Variants in ARF1 observed in about 807,000 individuals in gnomAD.
The protein encoded by ARF1 is ADP-ribosylation factor 1.
ARF1 carries 1 observed loss-of-function variant against 18.0 expected under a neutral mutation model. That is an observed-to-expected ratio of 0.06 (90% CI 0.02 to 0.26). ARF1 has a LOEUF of 0.26. ARF1 is among the 10% of genes least tolerant of loss of function. ARF1 has a pLI of 1.00. For missense variants in ARF1, 73 were observed against 247.2 expected (o/e 0.30, Z 4.73); for synonymous variants, 112 against 96.3 (o/e 1.16, Z -0.95).
Position 228,097,932 on chromosome 1 carries a change from T to C in ARF1, c.465T>C (p.Ile155=). Residue 155 remains isoleucine, a synonymous_variant, in exon 5 of 5, where the codon ATT becomes ATC. Transcript: ENST00000272102. The surrounding 1 kb of genome is among the most constrained non-coding windows in gnomAD (Gnocchi z 8.1). The part of the protein sequence containing the change: ...LHSLRHRNWY[I]QATCATSGDG... Reference sequence around the variant, plus strand: ...CACTACGCCACAGGAACTGGTACATTCAGGCCACCTGCGCCACCAGCGGCG... The same window carrying C: ...CACTACGCCACAGGAACTGGTACATCCAGGCCACCTGCGCCACCAGCGGCG... 1.9e-6 allele frequency: 3 copies of C among 1,614,102 alleles called. No individual in the cohort carries two copies. The South Asian group carries it at 3.3e-5, about 18-fold the overall frequency.
At chr1:228,083,719 A>T (rs2032297785) in intron 1 of ARF1, among the ~76,000 whole-genome samples, 1 of 152,250 alleles carries the variant, frequency 6.6e-6, no homozygotes, top group African/African-American at 2.4e-5. Flanking sequence ...GCTCTCTCGG[A>T]GCACAGCCTG....
intron 1 of ARF1, among the ~76,000 whole-genome samples, chr1:228,095,648 C>T (rs751628553): frequency 1.3e-5 from 2 of 152,224 alleles, no homozygotes; most frequent in Non-Finnish European, 2.9e-5. Context: ...TAGGCAGTCC[C>T]AGCTTCATCC....
intron 1 of ARF1, among the ~76,000 whole-genome samples, chr1:228,086,242 G>A (rs1175440429): frequency 2.0e-5 from 3 of 152,206 alleles, no homozygotes; most frequent in Admixed American, 6.5e-5. Context: ...GAGGCTGGGC[G>A]TAGTGCCTCA....
intron 1 of ARF1, among the ~76,000 whole-genome samples, chr1:228,084,434 T>TG (rs2032330821): frequency 6.6e-6 from 1 of 152,382 alleles, no homozygotes; most frequent in Non-Finnish European, 1.5e-5. Context: ...AATATGCTGT[T>TG]GCCTGTGAGG....
At chr1:228,085,351 C>T (rs769038683) in intron 1 of ARF1, among the ~76,000 whole-genome samples, 2 of 152,218 alleles carry the variant, frequency 1.3e-5, no homozygotes, top group African/African-American at 4.8e-5. Flanking sequence ...GCGCAGCTGC[C>T]GCACCGTCCA....
In ARF1 at chr1:228,098,635, A is replaced by G. The variant is rs1354497120; in HGVS notation, c.*622A>G. ...CTCGCTTGTCCTTGGGTCACCCTGC[A>G]TTCCATAGCCATGTGCTTGTCCCTG... On this transcript the variant is annotated 3_prime_UTR_variant, in exon 5 of 5. Coordinates refer to ENST00000272102, the MANE Select transcript of ARF1 (RefSeq NM_001658.4). 6.6e-6 allele frequency: 1 copy of G among 152,638 alleles called. No individual in the cohort carries two copies. Among genetic ancestry groups the G allele is most frequent in the Non-Finnish European group, 1.5e-5 (1 of 68,074 alleles). The allele number at this position is 152,638 out of a possible 1,614,324, so 9.5% of individuals were successfully genotyped here. A position where few individuals can be genotyped will look rare whatever the true frequency, so the allele number is the denominator to read the frequency against.
chr1:228,084,347 G>T (rs1045307281), intron 1 of ARF1, among the ~76,000 whole-genome samples: 5 of 152,208 alleles, frequency 3.3e-5, no homozygotes, highest in Non-Finnish European at 7.3e-5. Flanking sequence ...TTCACATGTT[G>T]GTAGACTGGA....
chr1:228,085,723 T>C (rs1227872735), intron 1 of ARF1, among the ~76,000 whole-genome samples: 3 of 152,156 alleles, frequency 2.0e-5, no homozygotes, highest in Non-Finnish European at 4.4e-5. Context: ...CAATTGAAAA[T>C]GATTCTGTTT....
chr1:228,085,185 A>C (rs548816746), intron 1 of ARF1, among the ~76,000 whole-genome samples: 42 of 152,382 alleles, frequency 2.8e-4, no homozygotes, highest in African/African-American at 9.9e-4. Flanking sequence ...GATGGTTGGT[A>C]GGGGCATTCT....
intron 1 of ARF1, among the ~76,000 whole-genome samples, chr1:228,095,735 C>T (rs1262082579): frequency 2.0e-5 from 3 of 152,096 alleles, no homozygotes; most frequent in African/African-American, 4.8e-5. Context: ...TTCTCTCTGC[C>T]CTTCAAGGCG....
At position 228,098,244 on chromosome 1, in the gene ARF1, C is replaced by T; in HGVS notation, c.*231C>T. ...GGTACTCCTATGCAATATTACTCAG[C>T]TTTTTTTATTGTAAAAAGAAAAATC... On this transcript the variant is annotated 3_prime_UTR_variant, in exon 5 of 5. Coordinates refer to ENST00000272102, the MANE Select transcript of ARF1 (RefSeq NM_001658.4). 4.4e-6 allele frequency: 2 copies of T among 450,022 alleles called. No homozygotes were observed. Among genetic ancestry groups the T allele is most frequent in the South Asian group, 4.8e-5 (1 of 20,960 alleles). The allele number at this position is 450,022 out of a possible 1,614,324, so 27.9% of individuals were successfully genotyped here.
At chr1:228,096,215 T>C (rs2032740411) in intron 1 of ARF1, among the ~76,000 whole-genome samples, 1 of 152,304 alleles carries the variant, frequency 6.6e-6, no homozygotes, top group Admixed American at 6.5e-5. Context: ...GAACCCCTGG[T>C]GGAGGAGGTC....
At chr1:228,084,436 C>G (rs775892496) in intron 1 of ARF1, among the ~76,000 whole-genome samples, 12 of 152,292 alleles carry the variant, frequency 7.9e-5, no homozygotes, top group Admixed American at 6.5e-5. Context: ...TATGCTGTTG[C>G]CTGTGAGGCA....
chr1:228,096,642 G>A (rs1157609724), intron 1 of ARF1: 1 of 157,526 alleles, frequency 6.3e-6, no homozygotes, highest in East Asian at 1.9e-4. Flanking sequence ...CCCTGAAGGT[G>A]TCCTGCTGAG....
At chr1:228,096,165 C>T (rs1354963317) in intron 1 of ARF1, among the ~76,000 whole-genome samples, 3 of 152,132 alleles carry the variant, frequency 2.0e-5, no homozygotes, top group Admixed American at 6.5e-5. Flanking sequence ...CACCAGCGGA[C>T]AGTCATGGCT....
At chr1:228,096,292 C>T (rs1244667415) in intron 1 of ARF1, among the ~76,000 whole-genome samples, 4 of 152,238 alleles carry the variant, frequency 2.6e-5, no homozygotes, top group Non-Finnish European at 5.9e-5. Context: ...CTTCCTCACT[C>T]GGGGTAAGCC....
At chr1:228,087,396 C>G (rs1439884767) in intron 1 of ARF1, among the ~76,000 whole-genome samples, 1 of 152,224 alleles carries the variant, frequency 6.6e-6, no homozygotes, top group Non-Finnish European at 1.5e-5. Flanking sequence ...GTTGCTCACT[C>G]ACCAATCAAA....
At chr1:228,095,458 A>G (rs1254948374) in intron 1 of ARF1, among the ~76,000 whole-genome samples, 2 of 152,208 alleles carry the variant, frequency 1.3e-5, no homozygotes, top group African/African-American at 4.8e-5. Context: ...CTTAGGCCGC[A>G]TGTGGCCCAG....
rs1322207378 is a variant in ARF1, at chr1:228,093,622, G to GT, written c.-37-3454dup. 1.1e-4 allele frequency among the ~76,000 whole-genome samples: 10 copies of GT among 93,756 alleles called. No homozygotes were observed. In the East Asian group the frequency reaches 1.8e-3, roughly 17 times the overall value. The allele number at this position is 93,756 out of a possible 152,430, so 61.5% of individuals were successfully genotyped here. On this transcript the variant is annotated intron_variant, in intron 1 of 4. Transcript: ENST00000272102. ...TTGGGGACTCTTAACGCTTTGGTCTGTTAAAAAAAAAAAAAAAAATCCGGG... is the reference window on the plus strand; with the variant it reads ...TTGGGGACTCTTAACGCTTTGGTCTGTTTAAAAAAAAAAAAAAAAATCCGGG...
Sources: gnomAD v4.1 joint callset for allele counts (sites outside exome capture counted in the v4.1 genomes callset) on GRCh38, gnomAD v4.1.1 for gene constraint, Gnocchi (gnomAD v3.1) non-coding constraint, MANE v1.5 for transcripts, NCBI Gene and HGNC (gene_info 2026-07-23, HGNC 2026-07-21) for gene names.